Variants in LIN7C observed in about 807,000 individuals in gnomAD.
LIN7C encodes lin-7 cell polarity scaffold C.
LIN7C carries 17 observed loss-of-function variants against 24.7 expected under a neutral mutation model. The observed-to-expected ratio is 0.69, with a 90% CI of 0.47 to 1.03. The LOEUF (loss-of-function observed/expected upper bound fraction) is 1.03, where lower values mean the gene tolerates loss of function less well. LIN7C is among the 50% of genes least tolerant of loss of function. The pLI is 0.00. For synonymous variants in LIN7C, 90 were observed against 83.4 expected (o/e 1.08, Z -0.43); for missense variants, 204 against 239.0 (o/e 0.85, Z 0.97).
chr11:27,499,507 G>C lies in LIN7C; in HGVS notation c.290C>G (p.Pro97Arg), dbSNP rs760252815. ...GHSHPRVVEL[P>R]KTEEGLGFNI... ...GAATCCAAGGCCCTCTTCTGTTTTT[G>C]GTAGCTCAACAACTCGAGGATGAGA... is the stretch of plus-strand genomic sequence containing the variant. The change falls in exon 4 of 5, where the codon CCA becomes CGA. Residue 97 changes from proline (P) to arginine (R), a missense_variant. By Grantham distance (103) the Pro-to-Arg change is moderately radical. Coordinates refer to ENST00000278193, the MANE Select transcript of LIN7C (RefSeq NM_018362.4). 1.2e-6 allele frequency: 2 copies of C among 1,614,080 alleles called. No individual in the cohort carries two copies. Among genetic ancestry groups the C allele is most frequent in the Non-Finnish European group, 1.7e-6 (2 of 1,180,028 alleles).
At position 27,498,545 on chromosome 11, in the gene LIN7C, A is replaced by G; in HGVS notation, c.*104T>C. On this transcript the variant is annotated 3_prime_UTR_variant, in exon 5 of 5. Transcript: ENST00000278193. ...AATGACAAGGAGAATTTCATGATAAATTTGTTTGTTTTCTTACAATCATTG... is the reference window on the plus strand; with the variant it reads ...AATGACAAGGAGAATTTCATGATAAGTTTGTTTGTTTTCTTACAATCATTG... 1 of 1,053,032 alleles carries G rather than the reference A, an allele frequency of 9.5e-7. No individual in the cohort carries two copies. Among genetic ancestry groups the G allele is most frequent in the Non-Finnish European group, 1.4e-6 (1 of 716,192 alleles). The allele number at this position is 1,053,032 out of a possible 1,614,324, so 65.2% of individuals were successfully genotyped here. A position where few individuals can be genotyped will look rare whatever the true frequency, so the allele number is the denominator to read the frequency against.
chr11:27,502,048 T>C (rs1008687491), intron 1 of LIN7C, 128 bp from the exon 2 acceptor site: 2 of 622,492 alleles, frequency 3.2e-6, no homozygotes, highest in East Asian at 2.6e-5. Flanking sequence ...AAAAAAAGCA[T>C]TGAATTTGCA....
chr11:27,501,602 T>C (rs772737920), intron 2 of LIN7C, 36 bp from the exon 3 acceptor site: 7 of 565,140 alleles, frequency 1.2e-5, no homozygotes, highest in Admixed American at 1.1e-4. Flanking sequence ...GAATATACCA[T>C]GCTTGAGTTC....
At chr11:27,499,222 A>G (rs1865197726) in intron 4 of LIN7C, 137 bp downstream of exon 4, 1 of 652,536 alleles carries the variant, frequency 1.5e-6, no homozygotes, top group African/African-American at 1.8e-5. Flanking sequence ...AAAAAGGATC[A>G]CTGTATTAAT....
chr11:27,500,416 C>CAT (rs549507092), intron 3 of LIN7C, among the ~76,000 whole-genome samples: 220 of 152,256 alleles, frequency 1.4e-3, no homozygotes, highest in Middle Eastern at 6.8e-3. Context: ...AAGAGAGGTA[C>CAT]ATATAGCCAA....
intron 1 of LIN7C, among the ~76,000 whole-genome samples, chr11:27,505,989 C>A (rs977796445): frequency 2.0e-5 from 3 of 152,220 alleles, no homozygotes; most frequent in Non-Finnish European, 2.9e-5. Context: ...GCTTCTCTAT[C>A]TCTAATTACT....
chr11:27,499,270 A>T, intron 4 of LIN7C, 89 bp downstream of exon 4: 1 of 1,065,968 alleles, frequency 9.4e-7, no homozygotes, highest in East Asian at 2.4e-5. Flanking sequence ...TTTCTAAACC[A>T]CAAGTTTCTT....
intron 1 of LIN7C, among the ~76,000 whole-genome samples, chr11:27,504,233 T>C (rs955854268): frequency 1.3e-5 from 2 of 152,190 alleles, no homozygotes; most frequent in East Asian, 3.8e-4. Context: ...GAATGACCGA[T>C]ACATGGGGAC....
At chr11:27,504,196 C>T (rs1024181816) in intron 1 of LIN7C, among the ~76,000 whole-genome samples, 11 of 152,100 alleles carry the variant, frequency 7.2e-5, no homozygotes, top group African/African-American at 2.7e-4. Flanking sequence ...GCAAATAGAC[C>T]TTCACCATTC....
chr11:27,500,712 G>C (rs2133488581), intron 3 of LIN7C, among the ~76,000 whole-genome samples: 1 of 152,106 alleles, frequency 6.6e-6, no homozygotes, highest in East Asian at 1.9e-4. Context: ...CTCTGAAAAA[G>C]GCCTCATTTT....
At chr11:27,506,346 A>G (rs1043024267) in intron 1 of LIN7C, among the ~76,000 whole-genome samples, 3 of 152,172 alleles carry the variant, frequency 2.0e-5, no homozygotes, top group Admixed American at 6.5e-5. Context: ...TGTACAGGCA[A>G]TGAGTGTAGT....
chr11:27,494,523 G>A lies in LIN7C; in HGVS notation c.*4126C>T, dbSNP rs1037686892. 3.3e-5 allele frequency: 5 copies of A among 152,110 alleles called. 1 individual carries two copies. The East Asian group carries it at 5.8e-4, about 18-fold the overall frequency. 9.4% of individuals were successfully genotyped at this position (152,110 alleles called of 1,614,324 possible). On this transcript the variant is annotated 3_prime_UTR_variant, in exon 5 of 5. Coordinates refer to ENST00000278193, the MANE Select transcript of LIN7C (RefSeq NM_018362.4). Reference sequence around the variant, plus strand: ...TTTTTTATACATACCTTTCATAAACGTTATCTATTGTGTAGTTATATCAAC... The same window carrying A: ...TTTTTTATACATACCTTTCATAAACATTATCTATTGTGTAGTTATATCAAC...
At chr11:27,501,742 T>C in intron 2 of LIN7C, 60 bp downstream of exon 2, 1 of 1,083,546 alleles carries the variant, frequency 9.2e-7, no homozygotes, top group Non-Finnish European at 1.4e-6. Context: ...AACCCAAATT[T>C]AGAGTATTAT....
At chr11:27,498,970 T>C (rs1266150225) in intron 4 of LIN7C, among the ~76,000 whole-genome samples, 166 bp from the exon 5 acceptor site, 1 of 152,230 alleles carries the variant, frequency 6.6e-6, no homozygotes, top group African/African-American at 2.4e-5. Context: ...TTAATCTATA[T>C]GAAATCCTCT....
In LIN7C at chr11:27,495,170, T is replaced by G. The variant is rs3209593; in HGVS notation, c.*3479A>C. The G allele has an allele frequency of 1.3e-5, 2 of 152,198 alleles. No individual in the cohort carries two copies. Among genetic ancestry groups the G allele is most frequent in the African/African-American group, 4.8e-5 (2 of 41,390 alleles). The allele number at this position is 152,198 out of a possible 1,614,324, so 9.4% of individuals were successfully genotyped here. Reference sequence around the variant, plus strand: ...AAGAGGAGGAGGACAATGATATTTTTTAAAAACATATTTGAGGCTGGGCAT... The same window carrying G: ...AAGAGGAGGAGGACAATGATATTTTGTAAAAACATATTTGAGGCTGGGCAT... On this transcript the variant is annotated 3_prime_UTR_variant, in exon 5 of 5. Coordinates refer to ENST00000278193, the MANE Select transcript of LIN7C (RefSeq NM_018362.4).
At chr11:27,502,885 G>A (rs2133490439) in intron 1 of LIN7C, among the ~76,000 whole-genome samples, 1 of 152,338 alleles carries the variant, frequency 6.6e-6, no homozygotes, top group South Asian at 2.1e-4. Context: ...GCCGAGGCGG[G>A]TGGATCACCT....
At chr11:27,503,553 G>A (rs539452306) in intron 1 of LIN7C, among the ~76,000 whole-genome samples, 9 of 152,096 alleles carry the variant, frequency 5.9e-5, no homozygotes, top group Non-Finnish European at 1.3e-4. Flanking sequence ...TCACTCTGTT[G>A]CCCAGGCTGG....
Position 27,501,568 on chromosome 11 carries a change from T to C in LIN7C, c.157-2A>G. The C allele has an allele frequency of 6.4e-7, 1 of 1,564,224 alleles. No individual in the cohort carries two copies. Among genetic ancestry groups the C allele is most frequent in the Non-Finnish European group, 8.7e-7 (1 of 1,153,886 alleles). Reference sequence around the variant, plus strand: ...AGTCTCATAGACATGTTCATATACCTGTAAAAGCCAAAGTTATATCTCAGA... The same window carrying C: ...AGTCTCATAGACATGTTCATATACCCGTAAAAGCCAAAGTTATATCTCAGA... On this transcript the variant is annotated splice_acceptor_variant, in intron 2 of 4. Transcript: ENST00000278193. LOFTEE classifies it high-confidence loss of function.
intron 1 of LIN7C, among the ~76,000 whole-genome samples, chr11:27,504,195 C>T (rs1865250693): frequency 6.6e-6 from 1 of 152,134 alleles, no homozygotes; most frequent in African/African-American, 2.4e-5. Context: ...AGCAAATAGA[C>T]CTTCACCATT....
Sources: allele counts gnomAD v4.1 joint callset (sites outside exome capture counted in the v4.1 genomes callset), GRCh38; gene constraint gnomAD v4.1.1; transcripts MANE v1.5; gene names NCBI Gene and HGNC (gene_info 2026-07-23, HGNC 2026-07-21).